HHAT: variants seen among roughly 807,000 people sequenced by gnomAD.
HHAT encodes protein-cysteine N-palmitoyltransferase HHAT.
HHAT carries 47 observed loss-of-function variants against 70.8 expected under a neutral mutation model. The observed-to-expected ratio is 0.66, with a 90% CI of 0.53 to 0.85. HHAT has a LOEUF of 0.85. Ranked by LOEUF, HHAT falls within the 40% of genes least tolerant of loss-of-function variation. HHAT has a pLI of 0.00. For synonymous variants in HHAT, 228 were observed against 247.6 expected, an observed-to-expected ratio of 0.92 and a Z score of 0.74; for missense variants, 609 against 604.8, an observed-to-expected ratio of 1.01 and a Z score of -0.07.
At chr1:210,587,797 A>G (rs1167587126) in intron 9 of HHAT, 101 bp from the exon 10 acceptor site, 4 of 844,480 alleles carry the variant, frequency 4.7e-6, no homozygotes, top group South Asian at 1.6e-5. Flanking sequence ...AAGGATCTGC[A>G]TATGTGAACA....
intron 3 of HHAT, among the ~76,000 whole-genome samples, chr1:210,386,261 C>T (rs2091058515): frequency 2.5e-5 from 1 of 40,642 alleles, no homozygotes; most frequent in African/African-American, 9.0e-5. Flanking sequence ...TTTTTTGAGA[C>T]AGAGTCTCGC....
At chr1:210,455,500 G>A (rs574274465) in intron 7 of HHAT, among the ~76,000 whole-genome samples, 169 of 151,824 alleles carry the variant, frequency 1.1e-3, no homozygotes, top group African/African-American at 4.0e-3. Flanking sequence ...CAACTCCCTG[G>A]TCAGCTTCAC....
chr1:210,566,032 G>C (rs1023275255), intron 9 of HHAT, among the ~76,000 whole-genome samples: 2 of 152,134 alleles, frequency 1.3e-5, no homozygotes, highest in African/African-American at 4.8e-5. Flanking sequence ...TACCAGATTT[G>C]AGTAGAAATG....
chr1:210,503,855 C>T (rs1041594978), intron 8 of HHAT, among the ~76,000 whole-genome samples: 7 of 152,298 alleles, frequency 4.6e-5, no homozygotes, highest in African/African-American at 1.7e-4. Context: ...GACCCTTATA[C>T]ACACCCCACG....
At chr1:210,346,059 G>T (rs1192653931) in intron 1 of HHAT, among the ~76,000 whole-genome samples, 1 of 138,812 alleles carries the variant, frequency 7.2e-6, no homozygotes, top group Non-Finnish European at 1.5e-5. Context: ...GCAAGACCCT[G>T]TCTCCAGGAA....
intron 9 of HHAT, among the ~76,000 whole-genome samples, chr1:210,522,481 G>A (rs765451566): frequency 1.1e-4 from 17 of 150,042 alleles, no homozygotes; most frequent in Non-Finnish European, 2.5e-4. Flanking sequence ...AATTCAGGCA[G>A]GGTGCTGGAG....
chr1:210,639,784 T>G (rs1456637929), intron 11 of HHAT, among the ~76,000 whole-genome samples: 5 of 152,218 alleles, frequency 3.3e-5, no homozygotes, highest in African/African-American at 4.8e-5. Context: ...ATCGTTAGTA[T>G]GATGTCAGTT....
chr1:210,630,542 GGGT>G (rs1670660790), intron 11 of HHAT, among the ~76,000 whole-genome samples: 1 of 152,208 alleles, frequency 6.6e-6, no homozygotes, highest in African/African-American at 2.4e-5. Flanking sequence ...GGAATTTCAA[GGGT>G]GGTGTTGAGG....
chr1:210,598,017 G>T (rs552299270), intron 10 of HHAT, among the ~76,000 whole-genome samples: 22 of 151,954 alleles, frequency 1.4e-4, no homozygotes, highest in African/African-American at 5.1e-4. Flanking sequence ...ATTATTCAGG[G>T]CCTAAGGGCT....
At position 210,676,094 on chromosome 1, in the gene HHAT, G is replaced by A. The variant is rs915503396; in HGVS notation, c.*1715G>A. 6 of 152,312 alleles carry A rather than the reference G, an allele frequency of 3.9e-5. No individual in the cohort carries two copies. Among genetic ancestry groups the A allele is most frequent in the African/African-American group, 1.4e-4 (6 of 41,568 alleles). 9.4% of individuals were successfully genotyped at this position (152,312 alleles called of 1,614,324 possible). A position where few individuals can be genotyped will look rare whatever the true frequency, so the allele number is the denominator to read the frequency against. ...GATGATAGGGAAGTGTCTAATGTATGTGCACATATAAGTAATACAAAAGTT... is the reference window on the plus strand; with the variant it reads ...GATGATAGGGAAGTGTCTAATGTATATGCACATATAAGTAATACAAAAGTT... On this transcript the variant is annotated 3_prime_UTR_variant, in exon 12 of 12. Transcript: ENST00000261458.
At chr1:210,555,561 G>T (rs2095564556) in intron 9 of HHAT, among the ~76,000 whole-genome samples, 1 of 152,230 alleles carries the variant, frequency 6.6e-6, no homozygotes, top group African/African-American at 2.4e-5. Context: ...AGGAAATTGT[G>T]AGAAGAAGAG....
chr1:210,399,779 A>T (rs2091974053), intron 4 of HHAT, among the ~76,000 whole-genome samples: 1 of 152,226 alleles, frequency 6.6e-6, no homozygotes, highest in Non-Finnish European at 1.5e-5. Flanking sequence ...CAATGTGATA[A>T]CTATAAATTA....
chr1:210,640,714 G>A (rs1672823302), intron 11 of HHAT, among the ~76,000 whole-genome samples: 1 of 150,516 alleles, frequency 6.6e-6, no homozygotes, highest in Non-Finnish European at 1.5e-5. Flanking sequence ...ATGTTAGCCA[G>A]CTTTGTTATT....
intron 6 of HHAT, among the ~76,000 whole-genome samples, chr1:210,404,975 A>G (rs192229424): frequency 1.2e-4 from 18 of 152,316 alleles, no homozygotes; most frequent in Admixed American, 7.2e-4. Flanking sequence ...GGGAGTTGGT[A>G]TCCACTGTGG....
chr1:210,524,134 G>A (rs2148614625), intron 9 of HHAT, among the ~76,000 whole-genome samples: 1 of 152,342 alleles, frequency 6.6e-6, no homozygotes. Flanking sequence ...GTTTCAGGTA[G>A]GCAAGATGCA....
chr1:210,389,085 C>G (rs2091278806), intron 4 of HHAT, among the ~76,000 whole-genome samples: 1 of 151,920 alleles, frequency 6.6e-6, no homozygotes, highest in Non-Finnish European at 1.5e-5. Context: ...TAAGAGAATA[C>G]ATAAAACTGA....
intron 10 of HHAT, among the ~76,000 whole-genome samples, chr1:210,594,345 G>A (rs373142559): frequency 1.2e-4 from 18 of 152,114 alleles, no homozygotes; most frequent in Middle Eastern, 3.4e-3. Flanking sequence ...AAATTACCAC[G>A]AGGCTTGCAA....
At chr1:210,444,835 G>GT (rs982866323) in intron 7 of HHAT, among the ~76,000 whole-genome samples, 14 of 151,864 alleles carry the variant, frequency 9.2e-5, no homozygotes, top group Admixed American at 2.0e-4. Flanking sequence ...CACAAATGAG[G>GT]TTTTTTTGTT....
intron 11 of HHAT, among the ~76,000 whole-genome samples, chr1:210,644,735 T>G (rs1443620926): frequency 6.6e-6 from 1 of 152,134 alleles, no homozygotes; most frequent in Non-Finnish European, 1.5e-5. Context: ...ATTTATGGTA[T>G]ACATTGGCAC....
Sources: allele counts gnomAD v4.1 joint callset (sites outside exome capture counted in the v4.1 genomes callset), GRCh38; gene constraint gnomAD v4.1.1; transcripts MANE v1.5; gene names NCBI Gene and HGNC (gene_info 2026-07-23, HGNC 2026-07-21).